KLRF1: variants seen among roughly 807,000 people sequenced by gnomAD.
KLRF1 encodes the protein killer cell lectin like receptor F1.
KLRF1 carries 27 observed loss-of-function variants against 30.7 expected under a neutral mutation model. The ratio of observed to expected loss-of-function variants is 0.88; its 90% CI spans 0.65 to 1.21. The LOEUF (loss-of-function observed/expected upper bound fraction) is 1.21, where lower values mean the gene tolerates loss of function less well. Among genes scored for constraint, KLRF1 ranks in the 50% most tolerant of loss-of-function variants. The probability of loss-of-function intolerance (pLI) is 0.00; values close to 1 mark genes in which losing one functional copy is unlikely to be tolerated. For synonymous variants in KLRF1, 92 were observed against 89.3 expected (o/e 1.03, Z -0.17); for missense variants, 246 against 259.3 (o/e 0.95, Z 0.35).
chr12:9,821,563 C>G, the KLRF1 span, among the ~76,000 whole-genome samples: 7 of 152,140 alleles, frequency 4.6e-5, no homozygotes, highest in Admixed American at 2.0e-4. Context: ...AATTGCTGAC[C>G]CACACCTCTC....
chr12:9,835,587 A>G (rs765625726), intron 3 of KLRF1, among the ~76,000 whole-genome samples: 1 of 152,082 alleles, frequency 6.6e-6, no homozygotes, highest in Non-Finnish European at 1.5e-5. Context: ...AGCAATAATT[A>G]CTGCTAATAT....
chr12:9,838,195 G>A (rs1349830087), intron 3 of KLRF1, among the ~76,000 whole-genome samples: 2 of 152,054 alleles, frequency 1.3e-5, no homozygotes, highest in Non-Finnish European at 2.9e-5. Flanking sequence ...ATGCAAGCAG[G>A]CCTCTTCTAG....
chr12:9,804,236 CT>C, the KLRF1 span, among the ~76,000 whole-genome samples: 1 of 151,680 alleles, frequency 6.6e-6, no homozygotes, highest in Non-Finnish European at 1.5e-5. Context: ...TTTATGTCTT[CT>C]TGGGAGAAAT....
chr12:9,833,311 G>T lies in KLRF1; in HGVS notation c.193G>T (p.Gly65Ter). Reference sequence around the variant, plus strand: ...ATAGTCCTGTATTCAAGTTTCTCAGGGAGTATTGCTAAAATGCCAAAAAGG... The same window carrying T: ...ATAGTCCTGTATTCAAGTTTCTCAGTGAGTATTGCTAAAATGCCAAAAAGG... ...LISLILLVSQ[G>*]VLLKCQKGSC... Residue 65 changes from glycine to a stop codon, truncating the protein, a stop_gained, in exon 3 of 6, where the codon GGA becomes TGA. Transcript: ENST00000617889. LOFTEE classifies it high-confidence loss of function. 1 of 1,594,998 alleles carries T rather than the reference G, an allele frequency of 6.3e-7. No homozygotes were observed. Among genetic ancestry groups the T allele is most frequent in the South Asian group, 1.1e-5 (1 of 87,858 alleles).
chr12:9,834,280 G>A lies in KLRF1; in HGVS notation c.334+828G>A, dbSNP rs891506781. 1.6e-4 allele frequency among the ~76,000 whole-genome samples: 24 copies of A among 152,204 alleles called. No homozygotes were observed. In the Middle Eastern group the frequency reaches 0.01, roughly 65 times the overall value. ...TTCAGTTACTTCAGGCCATCTGGGCGTATATACGTTCAGGTCACAGGGGAT... is the reference window on the plus strand; with the variant it reads ...TTCAGTTACTTCAGGCCATCTGGGCATATATACGTTCAGGTCACAGGGGAT... On this transcript the variant is annotated intron_variant, in intron 3 of 5. Coordinates refer to ENST00000617889, the MANE Select transcript of KLRF1 (RefSeq NM_016523.3).
intron 3 of KLRF1, 121 bp from the exon 4 acceptor site, chr12:9,841,691 A>G (rs1867705560): frequency 1.5e-6 from 1 of 668,212 alleles, no homozygotes; most frequent in Non-Finnish European, 2.3e-6. Context: ...ACAATTTGCT[A>G]TAAGTGATTT....
chr12:9,812,568 G>A, the KLRF1 span, among the ~76,000 whole-genome samples: 1 of 151,916 alleles, frequency 6.6e-6, no homozygotes, highest in East Asian at 1.9e-4. Context: ...TTTAATTATG[G>A]GAAGGAAAAC....
At chr12:9,824,180 C>A (rs180829007), upstream of KLRF1, among the ~76,000 whole-genome samples, 1 of 151,978 alleles carries the variant, frequency 6.6e-6, no homozygotes, top group African/African-American at 2.4e-5. Flanking sequence ...AAAGAAAACT[C>A]GAGGCCGGCA....
At chr12:9,830,859 C>A (rs1456833441) in intron 1 of KLRF1, among the ~76,000 whole-genome samples, 1 of 151,796 alleles carries the variant, frequency 6.6e-6, no homozygotes, top group Non-Finnish European at 1.5e-5. Context: ...GTGTTTTAAC[C>A]TTTATAAGTT....
intron 3 of KLRF1, among the ~76,000 whole-genome samples, chr12:9,840,436 A>C (rs891461774): frequency 6.6e-6 from 1 of 152,254 alleles, no homozygotes; most frequent in South Asian, 2.1e-4. Flanking sequence ...TGGCCTTTAC[A>C]TATATTTTTA....
At chr12:9,803,906 G>A in the KLRF1 span, among the ~76,000 whole-genome samples, 11 of 152,082 alleles carry the variant, frequency 7.2e-5, no homozygotes, top group South Asian at 2.1e-3. Context: ...TCAATATTGT[G>A]TTGGCTTTTC....
chr12:9,809,483 A>G, the KLRF1 span, among the ~76,000 whole-genome samples: 1 of 152,150 alleles, frequency 6.6e-6, no homozygotes, highest in East Asian at 1.9e-4. Context: ...ACCGTAACTT[A>G]AGTATTATTT....
At chr12:9,835,756 G>A (rs140859987) in intron 3 of KLRF1, among the ~76,000 whole-genome samples, 18 of 152,162 alleles carry the variant, frequency 1.2e-4, no homozygotes, top group East Asian at 3.9e-4. Flanking sequence ...GGTCTTTGCC[G>A]AGAGATACAT....
Position 9,828,328 on chromosome 12 carries a change from A to G in KLRF1, c.85+699A>G, listed in dbSNP as rs376901879. Among the ~76,000 whole-genome samples the G allele has an allele frequency of 4.5e-4, 68 of 152,106 alleles. 1 individual carries two copies. The East Asian group carries it at 0.013, about 29-fold the overall frequency. On this transcript the variant is annotated intron_variant, in intron 1 of 5. Coordinates refer to ENST00000617889, the MANE Select transcript of KLRF1 (RefSeq NM_016523.3). ...ACTCCTGACCTCAGGTGATCCACCCACCTGAGTCTTCCAAAGTGTTGGGAT... is the reference window on the plus strand; with the variant it reads ...ACTCCTGACCTCAGGTGATCCACCCGCCTGAGTCTTCCAAAGTGTTGGGAT...
chr12:9,818,913 T>G, the KLRF1 span, among the ~76,000 whole-genome samples: 3,438 of 152,224 alleles, frequency 0.023, 111 homozygotes, highest in African/African-American at 0.075. Context: ...AAGCATCCAG[T>G]TACACACATT....
chr12:9,834,647 C>T (rs983520083), intron 3 of KLRF1, among the ~76,000 whole-genome samples: 13 of 151,706 alleles, frequency 8.6e-5, no homozygotes, highest in Non-Finnish European at 1.8e-4. Flanking sequence ...ATACAAGGTC[C>T]GAATAAAAGA....
chr12:9,830,647 AT>A (rs143830993), intron 1 of KLRF1, among the ~76,000 whole-genome samples: 16,904 of 151,768 alleles, frequency 0.11, 1,153 homozygotes, highest in African/African-American at 0.2. Flanking sequence ...ATGATGATAG[AT>A]TTTTTTCCTT....
chr12:9,809,851 T>C, the KLRF1 span, among the ~76,000 whole-genome samples: 2,088 of 152,264 alleles, frequency 0.014, 51 homozygotes, highest in African/African-American at 0.047. Context: ...GATGTAAAAC[T>C]ACTGTTTTGA....
chr12:9,820,530 C>G, the KLRF1 span, among the ~76,000 whole-genome samples: 1 of 152,146 alleles, frequency 6.6e-6, no homozygotes, highest in African/African-American at 2.4e-5. Flanking sequence ...TCTCCAGGCT[C>G]TGGAGAGTCT....
Sources: gnomAD v4.1 joint callset for allele counts (sites outside exome capture counted in the v4.1 genomes callset) on GRCh38, gnomAD v4.1.1 for gene constraint, MANE v1.5 for transcripts, NCBI Gene and HGNC (gene_info 2026-07-23, HGNC 2026-07-21) for gene names.